The following ACOT7 variants were observed in gnomAD, a reference collection of about 807,000 sequenced individuals.
ACOT7 encodes the protein cytosolic acyl coenzyme A thioester hydrolase.
Under a neutral mutation model 40.2 loss-of-function variants are expected in ACOT7, and 12 were observed. The ratio of observed to expected loss-of-function variants is 0.30; its 90% CI spans 0.19 to 0.48. The LOEUF is 0.48. Ranked by LOEUF, ACOT7 falls within the 20% of genes least tolerant of loss-of-function variation. The probability of loss-of-function intolerance (pLI) is 0.99; values close to 1 mark genes in which losing one functional copy is unlikely to be tolerated. For missense variants in ACOT7, 395 were observed against 530.8 expected, an observed-to-expected ratio of 0.74 and a Z score of 2.51; for synonymous variants, 228 against 219.5, an observed-to-expected ratio of 1.04 and a Z score of -0.34.
At chr1:6,386,175 G>A (rs1322994856) in intron 1 of ACOT7, among the ~76,000 whole-genome samples, 3 of 152,184 alleles carry the variant, frequency 2.0e-5, no homozygotes, top group Non-Finnish European at 4.4e-5. Flanking sequence ...CCAACACACC[G>A]CACAACACGG....
chr1:6,318,537 G>A lies in ACOT7; in HGVS notation c.667C>T (p.Leu223=). The A allele has an allele frequency of 6.2e-7, 1 of 1,614,208 alleles. No homozygotes were observed. The highest frequency in any genetic ancestry group is 1.7e-5 in the Admixed American group (1 of 60,024). The change falls in exon 6 of 9, where the codon CTG becomes TTG. Residue 223 remains leucine, a synonymous_variant. Transcript: ENST00000361521. The part of the protein sequence containing the change: ...VSYSQSSLIH[L]VGPSDCTLHG... ...AGGGTGCAGTCTGAAGGCCCCACCA[G>A]GTGGATCAAGCTGGACTGGCTGTAG...
At chr1:6,316,416 A>T (rs1016057428) in intron 6 of ACOT7, among the ~76,000 whole-genome samples, 1 of 152,274 alleles carries the variant, frequency 6.6e-6, no homozygotes, top group Non-Finnish European at 1.5e-5. Flanking sequence ...TGGCAAGACC[A>T]TAGTTAATCA....
chr1:6,330,059 T>C lies in ACOT7; in HGVS notation c.511-2646A>G, dbSNP rs999456642. ...CGCACACATCCAGGAAACCAGTGTGTGTGTGTGGTGTGTGTGTGTGTGTGC... is the reference window on the plus strand; with the variant it reads ...CGCACACATCCAGGAAACCAGTGTGCGTGTGTGGTGTGTGTGTGTGTGTGC... On this transcript the variant is annotated intron_variant, in intron 4 of 8. Coordinates refer to ENST00000361521, the MANE Select transcript of ACOT7 (RefSeq NM_007274.4). The surrounding 1 kb of genome is among the most constrained non-coding windows in gnomAD (Gnocchi z 4.6). Among the ~76,000 whole-genome samples, 2 of 152,106 alleles carry C rather than the reference T, an allele frequency of 1.3e-5. No homozygotes were observed. The highest frequency in any genetic ancestry group is 4.2e-4 in the South Asian group (2 of 4,812).
chr1:6,366,139 G>A (rs55781819), intron 1 of ACOT7, among the ~76,000 whole-genome samples: 24 of 151,826 alleles, frequency 1.6e-4, no homozygotes, highest in Non-Finnish European at 2.6e-4. Flanking sequence ...CAGGTGATCC[G>A]CCCACCTCAG....
intron 2 of ACOT7, among the ~76,000 whole-genome samples, chr1:6,346,518 T>C (rs1641427041): frequency 6.7e-6 from 1 of 150,158 alleles, no homozygotes; most frequent in South Asian, 2.1e-4. Context: ...AGAGGGAGAG[T>C]TGAGAAAGAG....
rs1641157659 is a variant in ACOT7, at chr1:6,338,077, AG to A, written c.418+1355del. On this transcript the variant is annotated intron_variant, in intron 3 of 8. Transcript: ENST00000361521. The surrounding 1 kb of genome is among the most constrained non-coding windows in gnomAD (Gnocchi z 4.4). ...GGCTATGGCCTCTGATGGACCACAA[AG>A]GGGGCTTTCATGGCAGAAAATCTGC... Among the ~76,000 whole-genome samples, 2 of 151,950 alleles carry A rather than the reference AG, an allele frequency of 1.3e-5. No homozygotes were observed.
At chr1:6,276,896 G>T (rs1048610535) in intron 8 of ACOT7, among the ~76,000 whole-genome samples, 1 of 152,134 alleles carries the variant, frequency 6.6e-6, no homozygotes, top group Non-Finnish European at 1.5e-5. Flanking sequence ...ACACCCAGGG[G>T]ATGGGCTGCC....
intron 4 of ACOT7, 99 bp from the exon 5 acceptor site, chr1:6,327,512 G>T: frequency 1.0e-6 from 1 of 983,598 alleles, no homozygotes; most frequent in Non-Finnish European, 1.5e-6. Context: ...TGTGTAACTG[G>T]GACTATTTTT....
At chr1:6,374,933 T>C (rs1294502596) in intron 1 of ACOT7, among the ~76,000 whole-genome samples, 1 of 152,188 alleles carries the variant, frequency 6.6e-6, no homozygotes, top group Non-Finnish European at 1.5e-5. Flanking sequence ...ATGGCTGAAG[T>C]TCCCACTTTA....
chr1:6,325,892 G>C (rs148201819), intron 5 of ACOT7, among the ~76,000 whole-genome samples: 1 of 152,232 alleles, frequency 6.6e-6, no homozygotes, highest in Admixed American at 6.5e-5. Context: ...TCTCGGCAGG[G>C]CTAGGAGCAG....
chr1:6,350,730 C>G (rs1219481923), intron 1 of ACOT7, among the ~76,000 whole-genome samples: 1 of 152,188 alleles, frequency 6.6e-6, no homozygotes, highest in African/African-American at 2.4e-5. Context: ...TGTAGCCTGC[C>G]CAGCCTTGCT....
rs572866550 is a variant in ACOT7 at position 6,269,306 on chromosome 1, C to T, written c.1015-4611G>A. ...AGGCGATGGACCTGCAGCGTGTCCA[C>T]GATGAACCAGGGTCAGGGGCTTCCC... On this transcript the variant is annotated intron_variant, in intron 8 of 8. Coordinates refer to ENST00000361521, the MANE Select transcript of ACOT7 (RefSeq NM_007274.4). 6.6e-5 allele frequency among the ~76,000 whole-genome samples: 10 copies of T among 152,324 alleles called. No individual in the cohort carries two copies. The East Asian group carries it at 9.7e-4, about 15-fold the overall frequency.
chr1:6,281,788 C>T (rs535803772), intron 7 of ACOT7, among the ~76,000 whole-genome samples: 1 of 152,308 alleles, frequency 6.6e-6, no homozygotes, highest in Non-Finnish European at 1.5e-5. Context: ...CCTTGTATCA[C>T]CTTCCACAGC....
At chr1:6,269,791 T>A (rs1638972589) in intron 8 of ACOT7, among the ~76,000 whole-genome samples, 1 of 152,242 alleles carries the variant, frequency 6.6e-6, no homozygotes, top group African/African-American at 2.4e-5. Context: ...GGGATGGTAG[T>A]ATCTGCTGGA....
intron 1 of ACOT7, among the ~76,000 whole-genome samples, chr1:6,381,047 T>C (rs904674314): frequency 5.3e-5 from 8 of 151,784 alleles, no homozygotes; most frequent in African/African-American, 1.4e-4. Context: ...AAACCAACCA[T>C]ACACATTGCA....
intron 7 of ACOT7, among the ~76,000 whole-genome samples, chr1:6,284,095 G>C (rs910232067): frequency 1.3e-5 from 2 of 152,196 alleles, no homozygotes; most frequent in African/African-American, 4.8e-5. Context: ...GTCACCAAGA[G>C]AGAGCCCAGT....
intron 2 of ACOT7, among the ~76,000 whole-genome samples, chr1:6,343,142 C>T (rs1029403264): frequency 9.2e-5 from 14 of 152,260 alleles, no homozygotes; most frequent in African/African-American, 2.9e-4. Context: ...CACAGCACCC[C>T]GACAAGGGGT....
At position 6,301,422 on chromosome 1, in the gene ACOT7, T is replaced by C. The variant is rs1175682469; in HGVS notation, c.713-6442A>G. 3.3e-5 allele frequency among the ~76,000 whole-genome samples: 5 copies of C among 152,188 alleles called. No homozygotes were observed. In the East Asian group the frequency reaches 5.8e-4, roughly 18 times the overall value. On this transcript the variant is annotated intron_variant, in intron 6 of 8. Coordinates refer to ENST00000361521, the MANE Select transcript of ACOT7 (RefSeq NM_007274.4). This position sits in a 1 kb window ranked among gnomAD's most constrained non-coding sequence, Gnocchi z 4.1. ...GACAGTCAACCCCGAGGGGAAGATGTGAGCGGCTATTGAGTGCCTGGTGTG... is the reference window on the plus strand; with the variant it reads ...GACAGTCAACCCCGAGGGGAAGATGCGAGCGGCTATTGAGTGCCTGGTGTG...
At chr1:6,327,922 C>T (rs1640850901) in intron 4 of ACOT7, among the ~76,000 whole-genome samples, 2 of 151,972 alleles carry the variant, frequency 1.3e-5, no homozygotes, top group Non-Finnish European at 2.9e-5. Context: ...GACAGGTGCC[C>T]GCCACCATGC....
Sources: allele counts gnomAD v4.1 joint callset (sites outside exome capture counted in the v4.1 genomes callset), GRCh38; gene constraint gnomAD v4.1.1; non-coding constraint Gnocchi (gnomAD v3.1); transcripts MANE v1.5; gene names NCBI Gene and HGNC (gene_info 2026-07-23, HGNC 2026-07-21).